The following ADCK1 variants were observed in gnomAD, a reference collection of about 807,000 sequenced individuals.
The protein encoded by ADCK1 is aarF domain-containing protein kinase 1.
Under a neutral mutation model 52.3 loss-of-function variants are expected in ADCK1, and 41 were observed. The ratio of observed to expected loss-of-function variants is 0.78; its 90% CI spans 0.61 to 1.02. ADCK1 has a LOEUF of 1.02. Among genes scored for constraint, ADCK1 ranks in the 50% least tolerant of loss-of-function variants. The pLI is 0.00. For synonymous variants in ADCK1, 250 were observed against 274.6 expected (o/e 0.91, Z 0.89); for missense variants, 658 against 679.5 (o/e 0.97, Z 0.35).
At chr14:77,825,682 C>G (rs1566640597) in intron 3 of ADCK1, among the ~76,000 whole-genome samples, 1 of 149,478 alleles carries the variant, frequency 6.7e-6, no homozygotes. Flanking sequence ...GCTCTTGTCA[C>G]CCAGGCTGGA....
intron 4 of ADCK1, among the ~76,000 whole-genome samples, chr14:77,859,911 T>C (rs1284528538): frequency 6.6e-6 from 1 of 152,228 alleles, no homozygotes; most frequent in East Asian, 1.9e-4. Context: ...TCTGGTCCCA[T>C]TGTGCTACCT....
chr14:77,812,892 A>G (rs1211599653), intron 1 of ADCK1, among the ~76,000 whole-genome samples: 1 of 151,602 alleles, frequency 6.6e-6, no homozygotes, highest in South Asian at 2.1e-4. Flanking sequence ...GCCCGGCTGC[A>G]TATTCTTTTT....
In ADCK1 at chr14:77,805,987, CTTT is replaced by C. The variant is rs530925697; in HGVS notation, c.-12+5838_-12+5840del. 2.8e-3 allele frequency among the ~76,000 whole-genome samples: 246 copies of C among 87,680 alleles called. 6 individuals are homozygous for C. In the East Asian group the frequency reaches 0.068, roughly 24 times the overall value. The allele number at this position is 87,680 out of a possible 152,430, so 57.5% of individuals were successfully genotyped here. A position where few individuals can be genotyped will look rare whatever the true frequency, so the allele number is the denominator to read the frequency against. On this transcript the variant is annotated intron_variant, in intron 1 of 10. Coordinates refer to ENST00000238561, the MANE Select transcript of ADCK1 (RefSeq NM_020421.4). The stretch of plus-strand genomic sequence containing the variant: ...TCCTCCCATAATCCTATTCTTACGG[CTTT>C]TTTTTTTTTTTTTTTTTTTTAAAGT...
chr14:77,848,175 G>A (rs1297940347), intron 3 of ADCK1, among the ~76,000 whole-genome samples: 1 of 152,198 alleles, frequency 6.6e-6, no homozygotes, highest in African/African-American at 2.4e-5. Flanking sequence ...AAAGTGCTTG[G>A]ATTACAGGCA....
At chr14:77,810,984 C>T (rs139796514) in intron 1 of ADCK1, among the ~76,000 whole-genome samples, 3 of 150,108 alleles carry the variant, frequency 2.0e-5, no homozygotes, top group African/African-American at 4.9e-5. Context: ...AATTTAAGGT[C>T]GGTTTCTGGA....
chr14:77,813,441 G>T (rs925657895), intron 1 of ADCK1, among the ~76,000 whole-genome samples: 15 of 152,272 alleles, frequency 9.9e-5, no homozygotes, highest in Admixed American at 1.3e-4. Context: ...CTTCCGAGTG[G>T]CTGGGACTAT....
intron 1 of ADCK1, among the ~76,000 whole-genome samples, chr14:77,818,686 T>C (rs566692967): frequency 6.6e-6 from 1 of 152,184 alleles, no homozygotes; most frequent in Middle Eastern, 3.2e-3. Context: ...TCACTGTCTT[T>C]CCCCATGTCT....
chr14:77,811,017 G>A (rs185021630), intron 1 of ADCK1, among the ~76,000 whole-genome samples: 7 of 151,772 alleles, frequency 4.6e-5, no homozygotes, highest in Non-Finnish European at 8.8e-5. Context: ...CCTGTGTCTC[G>A]GTGGAAACAA....
intron 7 of ADCK1, among the ~76,000 whole-genome samples, chr14:77,913,244 T>C (rs1056228458): frequency 6.6e-6 from 1 of 152,168 alleles, no homozygotes; most frequent in African/African-American, 2.4e-5. Context: ...AGACACTCAC[T>C]GAAGTTCAGG....
chr14:77,822,950 T>C (rs2081613388), intron 3 of ADCK1, among the ~76,000 whole-genome samples: 1 of 152,106 alleles, frequency 6.6e-6, no homozygotes, highest in Admixed American at 6.6e-5. Flanking sequence ...TCAGGAGGGA[T>C]GTAGGCTCTG....
At position 77,813,812 on chromosome 14, in the gene ADCK1, C is replaced by CGCTGTAG. The variant is rs1362787044; in HGVS notation, c.-11-5155_-11-5149dup. On this transcript the variant is annotated intron_variant, in intron 1 of 10. Coordinates refer to ENST00000238561, the MANE Select transcript of ADCK1 (RefSeq NM_020421.4). ...TTGAGGAGTCTCATGCTGTCACCCA[C>CGCTGTAG]GCTGTAGTGCGCAGTGGTGCAATCT... Among the ~76,000 whole-genome samples, 4 of 151,366 alleles carry CGCTGTAG rather than the reference C, an allele frequency of 2.6e-5. No individual in the cohort carries two copies. In the South Asian group the frequency reaches 6.3e-4, roughly 24 times the overall value.
intron 3 of ADCK1, among the ~76,000 whole-genome samples, chr14:77,837,379 C>T (rs942531020): frequency 3.9e-5 from 6 of 152,116 alleles, no homozygotes; most frequent in African/African-American, 1.4e-4. Context: ...CTCAAGTGAT[C>T]TGCCTGCCTC....
At chr14:77,864,196 G>A (rs944347874) in intron 4 of ADCK1, among the ~76,000 whole-genome samples, 2 of 152,190 alleles carry the variant, frequency 1.3e-5, no homozygotes, top group African/African-American at 4.8e-5. Flanking sequence ...GAGAGAAGGT[G>A]CAGGGGTACC....
intron 5 of ADCK1, among the ~76,000 whole-genome samples, chr14:77,895,561 C>T (rs1192180866): frequency 6.6e-6 from 1 of 152,180 alleles, no homozygotes; most frequent in Non-Finnish European, 1.5e-5. Flanking sequence ...TTGATAACAA[C>T]ACCTGTTTTA....
chr14:77,914,002 C>T lies in ADCK1; in HGVS notation c.858+6083C>T, dbSNP rs576081486. 9.1e-4 allele frequency among the ~76,000 whole-genome samples: 138 copies of T among 152,214 alleles called. 1 individual carries two copies. Among genetic ancestry groups the T allele is most frequent in the Admixed American group, 8.4e-3 (128 of 15,296 alleles). On this transcript the variant is annotated intron_variant, in intron 7 of 10. Transcript: ENST00000238561. ...ATCAGTCTCCATCTTCTGTCAGGGT[C>T]GGGTGGGGATCTAGGGGTTTAGCTG...
intron 3 of ADCK1, among the ~76,000 whole-genome samples, chr14:77,843,688 A>G (rs1203851211): frequency 7.9e-5 from 12 of 152,186 alleles, no homozygotes; most frequent in Non-Finnish European, 1.6e-4. Flanking sequence ...GCACAGTCAC[A>G]TCAGCTCATT....
chr14:77,812,225 T>C (rs58016276), intron 1 of ADCK1, among the ~76,000 whole-genome samples: 2,459 of 152,156 alleles, frequency 0.016, 60 homozygotes, highest in African/African-American at 0.056. Context: ...TACATTAGAG[T>C]CCCCAGAACT....
At chr14:77,886,211 G>A (rs558886250) in intron 4 of ADCK1, among the ~76,000 whole-genome samples, 35 of 152,282 alleles carry the variant, frequency 2.3e-4, no homozygotes, top group Non-Finnish European at 4.3e-4. Flanking sequence ...TGCTCAGGCC[G>A]GAACAAAAGG....
chr14:77,896,813 C>A (rs2083419969), intron 5 of ADCK1, among the ~76,000 whole-genome samples: 1 of 152,102 alleles, frequency 6.6e-6, no homozygotes, highest in Admixed American at 6.5e-5. Flanking sequence ...AAAGACCAGA[C>A]AAAACTCAAA....
Sources: gnomAD v4.1 joint callset for allele counts (sites outside exome capture counted in the v4.1 genomes callset) on GRCh38, gnomAD v4.1.1 for gene constraint, MANE v1.5 for transcripts, NCBI Gene and HGNC (gene_info 2026-07-23, HGNC 2026-07-21) for gene names.